ERC2: variants seen among roughly 807,000 people sequenced by gnomAD.
ERC2 encodes the protein ERC protein 2.
Under a neutral mutation model 114.8 loss-of-function variants are expected in ERC2, and 42 were observed. The ratio of observed to expected loss-of-function variants is 0.37; its 90% confidence interval spans 0.29 to 0.47. ERC2 has a LOEUF of 0.47. Among genes scored for constraint, ERC2 ranks in the 20% least tolerant of loss-of-function variants. ERC2 has a pLI of 0.99. For missense variants in ERC2, 939 were observed against 1,150.7 expected, an observed-to-expected ratio of 0.82 and a Z score of 2.66; for synonymous variants, 454 against 425.5, an observed-to-expected ratio of 1.07 and a Z score of -0.82.
At chr3:55,762,242 G>A (rs2067493126) in intron 14 of ERC2, among the ~76,000 whole-genome samples, 1 of 152,010 alleles carries the variant, frequency 6.6e-6, no homozygotes, top group Admixed American at 6.6e-5. Context: ...TTAAATAATC[G>A]GATTTAATGT....
intron 14 of ERC2, among the ~76,000 whole-genome samples, chr3:55,811,113 T>C (rs746337654): frequency 1.3e-5 from 2 of 152,120 alleles, no homozygotes; most frequent in Non-Finnish European, 2.9e-5. Context: ...GTGGCTAACA[T>C]GCATTTAAAA....
intron 2 of ERC2, among the ~76,000 whole-genome samples, chr3:56,374,853 T>C (rs2059481920): frequency 6.6e-6 from 1 of 152,202 alleles, no homozygotes; most frequent in Admixed American, 6.5e-5. Context: ...TACATTTCTT[T>C]TGAAAAATGA....
chr3:55,598,176 A>T (rs1330765164), intron 17 of ERC2, among the ~76,000 whole-genome samples: 1 of 152,240 alleles, frequency 6.6e-6, no homozygotes, highest in Non-Finnish European at 1.5e-5. Flanking sequence ...TATTATATAG[A>T]TACTAGCTTT....
intron 15 of ERC2, among the ~76,000 whole-genome samples, chr3:55,734,189 G>A (rs1219461785): frequency 2.0e-5 from 3 of 152,114 alleles, no homozygotes; most frequent in East Asian, 1.9e-4. Context: ...ACAGGATAAC[G>A]GGGCAAACAG....
At chr3:55,711,828 A>G (rs1196924103) in intron 15 of ERC2, among the ~76,000 whole-genome samples, 3 of 152,220 alleles carry the variant, frequency 2.0e-5, no homozygotes, top group Non-Finnish European at 4.4e-5. Context: ...TAAACATATC[A>G]TAGCTGTTTC....
chr3:56,379,031 T>C (rs1484019964), intron 2 of ERC2, among the ~76,000 whole-genome samples: 2 of 152,184 alleles, frequency 1.3e-5, no homozygotes, highest in Non-Finnish European at 2.9e-5. Context: ...AAAAACAGTG[T>C]TTTCGCAACA....
At chr3:55,894,375 C>G (rs1576066325) in intron 13 of ERC2, among the ~76,000 whole-genome samples, 1 of 152,016 alleles carries the variant, frequency 6.6e-6, no homozygotes, top group Non-Finnish European at 1.5e-5. Flanking sequence ...AATTTTTACT[C>G]AAATTATATT....
At chr3:55,952,869 C>A (rs561681105) in intron 12 of ERC2, among the ~76,000 whole-genome samples, 1 of 152,232 alleles carries the variant, frequency 6.6e-6, no homozygotes, top group Admixed American at 6.5e-5. Context: ...ATATTCTAAA[C>A]CCACGTGTCC....
At chr3:56,138,940 A>G (rs1311297872) in intron 6 of ERC2, among the ~76,000 whole-genome samples, 1 of 152,182 alleles carries the variant, frequency 6.6e-6, no homozygotes, top group African/African-American at 2.4e-5. Context: ...AACTCACACA[A>G]TATCAACTTT....
chr3:56,448,670 C>T (rs60983249), intron 1 of ERC2, among the ~76,000 whole-genome samples: 10,132 of 152,278 alleles, frequency 0.067, 640 homozygotes, highest in African/African-American at 0.16. Flanking sequence ...TTGTGGGCCA[C>T]TTGATCTCTG....
chr3:56,441,540 A>G (rs2062306993), intron 1 of ERC2, among the ~76,000 whole-genome samples: 1 of 152,232 alleles, frequency 6.6e-6, no homozygotes, highest in African/African-American at 2.4e-5. Context: ...TTTGATTGAT[A>G]AAGCTTTTCA....
chr3:56,174,516 A>C (rs1321778719), intron 3 of ERC2, among the ~76,000 whole-genome samples: 1 of 152,236 alleles, frequency 6.6e-6, no homozygotes, highest in African/African-American at 2.4e-5. Flanking sequence ...TTTAGAGTCA[A>C]CATGGGGTAG....
intron 14 of ERC2, among the ~76,000 whole-genome samples, chr3:55,833,115 G>C (rs578081574): frequency 6.7e-6 from 1 of 149,818 alleles, no homozygotes; most frequent in Admixed American, 6.6e-5. Flanking sequence ...TATGTGAAAA[G>C]ACCAAATCTA....
At chr3:56,215,987 T>C (rs1239207609) in intron 3 of ERC2, among the ~76,000 whole-genome samples, 6 of 151,872 alleles carry the variant, frequency 4.0e-5, no homozygotes, top group Admixed American at 1.3e-4. Flanking sequence ...GGGACACATT[T>C]AAAGCAGTGT....
intron 10 of ERC2, among the ~76,000 whole-genome samples, chr3:56,006,820 A>G (rs1420600474): frequency 6.6e-6 from 1 of 152,126 alleles, no homozygotes; most frequent in East Asian, 1.9e-4. Context: ...GCAAAAGTTT[A>G]TTAATATCTA....
At chr3:56,460,242 G>T (rs1278128477) in intron 1 of ERC2, among the ~76,000 whole-genome samples, 1 of 152,190 alleles carries the variant, frequency 6.6e-6, no homozygotes, top group African/African-American at 2.4e-5. Flanking sequence ...AATGGTTAAG[G>T]CTTGTTGGTT....
At chr3:55,841,102 A>G (rs771959137) in intron 14 of ERC2, among the ~76,000 whole-genome samples, 5 of 152,226 alleles carry the variant, frequency 3.3e-5, no homozygotes, top group Admixed American at 6.5e-5. Context: ...AATATGTATA[A>G]TTTATTGTAT....
chr3:55,753,671 A>G (rs1348244279), intron 14 of ERC2, among the ~76,000 whole-genome samples: 2 of 152,244 alleles, frequency 1.3e-5, no homozygotes, highest in Admixed American at 1.3e-4. Context: ...TGGGGCAAAC[A>G]TAAATTCACG....
chr3:55,870,388 A>G (rs1182120369), intron 14 of ERC2, among the ~76,000 whole-genome samples: 1 of 152,194 alleles, frequency 6.6e-6, no homozygotes, highest in Non-Finnish European at 1.5e-5. Context: ...TAGACTTTTC[A>G]AGAGACAGAG....
Sources: gnomAD v4.1 joint callset for allele counts (sites outside exome capture counted in the v4.1 genomes callset) on GRCh38, gnomAD v4.1.1 for gene constraint, MANE v1.5 for transcripts, NCBI Gene and HGNC (gene_info 2026-07-23, HGNC 2026-07-21) for gene names.